ADGRG4: variants seen among roughly 807,000 people sequenced by gnomAD.
ADGRG4 encodes the protein adhesion G protein-coupled receptor G4.
ADGRG4 carries 122 observed loss-of-function variants against 126.2 expected under a neutral mutation model. The observed-to-expected ratio is 0.97, with a 90% CI of 0.83 to 1.12. ADGRG4 has a LOEUF of 1.12. Ranked by LOEUF, ADGRG4 falls within the 50% of genes most tolerant of loss-of-function variation. The pLI, the probability that ADGRG4 is intolerant of heterozygous loss-of-function variation, is 0.00. For synonymous variants in ADGRG4, 943 were observed against 838.7 expected (o/e 1.12, Z -2.15); for missense variants, 2,481 against 2,251.8 (o/e 1.10, Z -2.06).
At position 136,349,548 on chromosome X, in the gene ADGRG4, A is replaced by G. The variant is rs771157445; in HGVS notation, c.5842A>G (p.Asn1948Asp). 1 of 1,208,955 alleles carries G rather than the reference A, an allele frequency of 8.3e-7. No homozygotes were observed. The highest frequency in any genetic ancestry group is 2.2e-5 in the Admixed American group (1 of 45,943). The change falls in exon 6 of 26, where the codon AAC becomes GAC. Residue 1948 changes from asparagine to aspartate, a missense_variant. By Grantham distance (23) the Asn-to-Asp change is conservative. Coordinates refer to ENST00000394143, the MANE Select transcript of ADGRG4 (RefSeq NM_153834.4). ...AATTCCTATGTCAGGAATTCTTCCT[A>G]ACCATGGGCTTTCTGAGAACCCTTC... The part of the protein sequence containing the change: ...SSIPMSGILP[N>D]HGLSENPSLS...
intron 15 of ADGRG4, among the ~76,000 whole-genome samples, chrX:136,386,456 A>G (rs1330623013): frequency 8.9e-6 from 1 of 112,060 alleles, no homozygotes; most frequent in African/African-American, 3.2e-5. Flanking sequence ...ATGGGTTTTG[A>G]GACTACAAGT....
In ADGRG4 at chrX:136,402,663, C is replaced by T. The variant is rs1413883567; in HGVS notation, c.8576-581C>T. ...ATTGGATTTTTAAACCCTGTGTCTA[C>T]ACTCTCCTCACGTTTGACCATTTTG... is the stretch of plus-strand genomic sequence containing the variant. On this transcript the variant is annotated intron_variant, in intron 21 of 25. Coordinates refer to ENST00000394143, the MANE Select transcript of ADGRG4 (RefSeq NM_153834.4). Among the ~76,000 whole-genome samples, 4 of 111,461 alleles carry T rather than the reference C, an allele frequency of 3.6e-5. No individual in the cohort carries two copies. In the East Asian group the frequency reaches 8.3e-4, roughly 23 times the overall value.
intron 5 of ADGRG4, among the ~76,000 whole-genome samples, chrX:136,323,783 T>C (rs1409965453): frequency 1.8e-5 from 2 of 111,928 alleles, no homozygotes; most frequent in Non-Finnish European, 3.8e-5. Flanking sequence ...CTAATTCACA[T>C]TTCACATTCA....
At chrX:136,353,770 A>G (rs1013016565) in intron 8 of ADGRG4, among the ~76,000 whole-genome samples, 4 of 112,168 alleles carry the variant, frequency 3.6e-5, no homozygotes, top group African/African-American at 9.7e-5. Flanking sequence ...TTTATTTTGG[A>G]ATGATTCACT....
chrX:136,413,098 T>A (rs1276836723), intron 24 of ADGRG4, among the ~76,000 whole-genome samples: 2 of 110,471 alleles, frequency 1.8e-5, no homozygotes, highest in East Asian at 2.8e-4. Context: ...ATTTATTTTT[T>A]TTATTATACT....
rs755120489 is a variant in ADGRG4, at chrX:136,402,509, G to T, written c.8576-735G>T. On this transcript the variant is annotated intron_variant, in intron 21 of 25. Coordinates refer to ENST00000394143, the MANE Select transcript of ADGRG4 (RefSeq NM_153834.4). Reference sequence around the variant, plus strand: ...GATTTTTCAAGATACTTGGCATTCTGGGCTTTGGAACAGCTTTGGAAAGCA... The same window carrying T: ...GATTTTTCAAGATACTTGGCATTCTTGGCTTTGGAACAGCTTTGGAAAGCA... 8.9e-5 allele frequency among the ~76,000 whole-genome samples: 10 copies of T among 111,766 alleles called. No homozygotes were observed. The South Asian group carries it at 3.8e-3, about 42-fold the overall frequency.
chrX:136,348,308 A>T lies in ADGRG4; in HGVS notation c.4602A>T (p.Ile1534=), dbSNP rs1008369361. The T allele has an allele frequency of 1.3e-5, 16 of 1,207,072 alleles. No homozygotes were observed. Among genetic ancestry groups the T allele is most frequent in the Non-Finnish European group, 1.8e-5 (16 of 892,989 alleles). The change falls in exon 6 of 26, where the codon ATA becomes ATT. Residue 1534 remains isoleucine, a synonymous_variant. Coordinates refer to ENST00000394143, the MANE Select transcript of ADGRG4 (RefSeq NM_153834.4). ...AAAAAGTTTCTGACACTCCCCCAATAGTGATAACTAAATCTTCTAAAACAA... is the reference window on the plus strand; with the variant it reads ...AAAAAGTTTCTGACACTCCCCCAATTGTGATAACTAAATCTTCTAAAACAA... ...TSKKVSDTPP[I]VITKSSKTMH... is the part of the protein sequence containing the mutation.
At chrX:136,404,759 T>A (rs764293635) in intron 22 of ADGRG4, among the ~76,000 whole-genome samples, 76 of 112,234 alleles carry the variant, frequency 6.8e-4, no homozygotes, top group Non-Finnish European at 1.1e-3. Flanking sequence ...CTTTTAAGGA[T>A]GCTGATGACA....
Position 136,387,886 on chromosome X carries a change from C to G in ADGRG4, c.7911+12C>G, listed in dbSNP as rs1352175607. 1 of 1,193,429 alleles carries G rather than the reference C, an allele frequency of 8.4e-7. No homozygotes were observed. Among genetic ancestry groups the G allele is most frequent in the Non-Finnish European group, 1.1e-6 (1 of 883,867 alleles). On this transcript the variant is annotated intron_variant, in intron 16 of 25. Transcript: ENST00000394143. Reference sequence around the variant, plus strand: ...CTTCACTCTTTAAGGTAAATTCTTGCCTGTGGTAACTGTGATGAACTGGCA... The same window carrying G: ...CTTCACTCTTTAAGGTAAATTCTTGGCTGTGGTAACTGTGATGAACTGGCA...
intron 5 of ADGRG4, among the ~76,000 whole-genome samples, chrX:136,336,092 T>C (rs1320575007): frequency 1.8e-5 from 2 of 112,384 alleles, no homozygotes; most frequent in Non-Finnish European, 3.8e-5. Context: ...TTTAATTCAA[T>C]GTTTTAAATT....
In ADGRG4 at chrX:136,361,471, A is replaced by C. The variant is rs1017996482; in HGVS notation, c.7161A>C (p.Lys2387Asn). The C allele has an allele frequency of 1.7e-6, 2 of 1,173,127 alleles. No homozygotes were observed. The highest frequency in any genetic ancestry group is 2.3e-6 in the Non-Finnish European group (2 of 873,124). The change falls in exon 12 of 26, where the codon AAA becomes AAC. Residue 2387 changes from lysine to asparagine, a missense_variant. Physicochemically the swap from Lys to Asn is moderately conservative, Grantham distance 94. Coordinates refer to ENST00000394143, the MANE Select transcript of ADGRG4 (RefSeq NM_153834.4). ...AVKKLEPGNC[K>N]ADETASKYKG... ...TCTCTGTAGAGCCTGGAAATTGCAA[A>C]GCTGATGAAACAGCCTCTAAATACA...
At chrX:136,302,198 A>G (rs2074705155) in intron 1 of ADGRG4, among the ~76,000 whole-genome samples, 1 of 111,707 alleles carries the variant, frequency 9.0e-6, no homozygotes, top group Admixed American at 9.5e-5. Flanking sequence ...CACAATATTG[A>G]TTCTTCCTAC....
At chrX:136,335,643 G>T (rs749271905) in intron 5 of ADGRG4, among the ~76,000 whole-genome samples, 45 of 111,685 alleles carry the variant, frequency 4.0e-4, no homozygotes, top group African/African-American at 1.3e-3. Context: ...TGTTGAATTT[G>T]TGAACATAAA....
intron 5 of ADGRG4, among the ~76,000 whole-genome samples, chrX:136,326,271 C>T (rs1462542165): frequency 2.7e-5 from 3 of 112,226 alleles, no homozygotes; most frequent in East Asian, 5.6e-4. Context: ...AAATACAGGG[C>T]AGATTTTTTT....
At chrX:136,338,665 C>A (rs897283334) in intron 5 of ADGRG4, among the ~76,000 whole-genome samples, 1 of 111,865 alleles carries the variant, frequency 8.9e-6, no homozygotes, top group African/African-American at 3.3e-5. Context: ...GCTTTAATAT[C>A]ATTGTCAGAT....
chrX:136,355,547 A>G (rs1004953235), intron 8 of ADGRG4, among the ~76,000 whole-genome samples: 5 of 111,712 alleles, frequency 4.5e-5, no homozygotes, highest in Non-Finnish European at 9.4e-5. Flanking sequence ...ATATATATAT[A>G]TAACATGGAC....
At chrX:136,357,780 T>G (rs1569327248) in intron 10 of ADGRG4, 24 bp downstream of exon 10, 27 of 1,028,719 alleles carry the variant, frequency 2.6e-5, no homozygotes, top group Non-Finnish European at 3.2e-5. Flanking sequence ...ACTGAGTTTA[T>G]TAATAGCTGG....
chrX:136,337,341 A>G (rs1174469640), intron 5 of ADGRG4, among the ~76,000 whole-genome samples: 1 of 112,081 alleles, frequency 8.9e-6, no homozygotes, highest in East Asian at 2.8e-4. Context: ...TATGATTTAT[A>G]AAGCTCATGA....
At chrX:136,317,611 CT>C (rs2074813932) in intron 4 of ADGRG4, among the ~76,000 whole-genome samples, 1 of 107,454 alleles carries the variant, frequency 9.3e-6, no homozygotes, top group Non-Finnish European at 1.9e-5. Context: ...AAATTAAAAA[CT>C]TTTACACATC....
Sources: allele counts gnomAD v4.1 joint callset (sites outside exome capture counted in the v4.1 genomes callset), GRCh38; gene constraint gnomAD v4.1.1; transcripts MANE v1.5; gene names NCBI Gene and HGNC (gene_info 2026-07-23, HGNC 2026-07-21).